SRPK2: variants seen among roughly 807,000 people sequenced by gnomAD.
The protein encoded by SRPK2 is SRSF protein kinase 2, also known as SFRS protein kinase 2.
SRPK2 carries 21 observed loss-of-function variants against 90.8 expected under a neutral mutation model. The observed-to-expected ratio is 0.23, with a 90% CI of 0.16 to 0.33. The LOEUF (loss-of-function observed/expected upper bound fraction) is 0.33. Among genes scored for constraint, SRPK2 ranks in the 10% least tolerant of loss-of-function variants. SRPK2 has a pLI of 1.00. For synonymous variants in SRPK2, 288 were observed against 311.1 expected (o/e 0.93, Z 0.78); for missense variants, 620 against 869.0 (o/e 0.71, Z 3.60).
intron 2 of SRPK2, among the ~76,000 whole-genome samples, chr7:105,250,083 C>A (rs1366540439): frequency 6.6e-6 from 1 of 152,178 alleles, no homozygotes; most frequent in African/African-American, 2.4e-5. Context: ...ATAATCTCAG[C>A]CCTATGGGAG....
At chr7:105,136,968 G>A (rs1435179909) in intron 11 of SRPK2, among the ~76,000 whole-genome samples, 3 of 152,266 alleles carry the variant, frequency 2.0e-5, no homozygotes, top group East Asian at 1.9e-4. Context: ...GCAAATAAAC[G>A]AGGAATCCAC....
intron 2 of SRPK2, among the ~76,000 whole-genome samples, chr7:105,294,249 T>A (rs780424891): frequency 1.3e-5 from 2 of 152,214 alleles, no homozygotes; most frequent in African/African-American, 4.8e-5. Context: ...CACAGCACCC[T>A]CTGCAAATTT....
chr7:105,386,542 C>T (rs1262762759), intron 2 of SRPK2, among the ~76,000 whole-genome samples: 2 of 151,698 alleles, frequency 1.3e-5, no homozygotes, highest in Non-Finnish European at 2.9e-5. Context: ...GGTGAAACCC[C>T]GTCTCTACTA....
intron 2 of SRPK2, among the ~76,000 whole-genome samples, chr7:105,237,707 T>C (rs753493517): frequency 5.3e-5 from 8 of 152,178 alleles, no homozygotes; most frequent in Non-Finnish European, 1.0e-4. Flanking sequence ...AAAGACCGAA[T>C]GGGGATAGGG....
At chr7:105,167,811 G>A (rs537544509) in intron 5 of SRPK2, among the ~76,000 whole-genome samples, 197 bp downstream of exon 5, 10 of 152,034 alleles carry the variant, frequency 6.6e-5, no homozygotes, top group East Asian at 1.9e-4. Flanking sequence ...GGGTTTCACC[G>A]TGTTTGCCAG....
At chr7:105,227,423 T>C (rs1798845791) in intron 2 of SRPK2, among the ~76,000 whole-genome samples, 1 of 152,204 alleles carries the variant, frequency 6.6e-6, no homozygotes, top group East Asian at 1.9e-4. Flanking sequence ...GCAAAGGATC[T>C]GAATAGATGT....
chr7:105,290,558 G>A (rs1409034379), intron 2 of SRPK2, among the ~76,000 whole-genome samples: 1 of 152,050 alleles, frequency 6.6e-6, no homozygotes, highest in Non-Finnish European at 1.5e-5. Context: ...TGAAGTATAG[G>A]TCGGGCCACA....
chr7:105,152,538 C>T (rs1253510212), intron 7 of SRPK2, among the ~76,000 whole-genome samples: 1 of 152,048 alleles, frequency 6.6e-6, no homozygotes, highest in South Asian at 2.1e-4. Context: ...CCAGAATCAA[C>T]CAACATTGAC....
intron 9 of SRPK2, chr7:105,144,107 C>G (rs902780304): frequency 6.6e-6 from 1 of 152,310 alleles, no homozygotes; most frequent in African/African-American, 2.4e-5. Flanking sequence ...GAGACAGAGT[C>G]TCTGTTGCCC....
chr7:105,236,017 C>G (rs1254506744), intron 2 of SRPK2, among the ~76,000 whole-genome samples: 1 of 152,158 alleles, frequency 6.6e-6, no homozygotes, highest in African/African-American at 2.4e-5. Context: ...TGAATAAGAT[C>G]TGTGGTTCTC....
At chr7:105,267,154 A>G (rs1006454616) in intron 2 of SRPK2, among the ~76,000 whole-genome samples, 3 of 152,222 alleles carry the variant, frequency 2.0e-5, no homozygotes, top group African/African-American at 7.2e-5. Flanking sequence ...ACCAGAGTGT[A>G]GGTAAGTAAA....
chr7:105,345,728 A>G (rs556405222), intron 2 of SRPK2, among the ~76,000 whole-genome samples: 344 of 152,360 alleles, frequency 2.3e-3, no homozygotes, highest in South Asian at 3.7e-3. Context: ...TGGTGTCCAA[A>G]ACAGACATGG....
At chr7:105,359,150 CTTTTTTTTTTTTTT>C (rs35765090) in intron 2 of SRPK2, among the ~76,000 whole-genome samples, 1 of 54,832 alleles carries the variant, frequency 1.8e-5, no homozygotes, top group Non-Finnish European at 3.1e-5. Flanking sequence ...CAAACCACAG[CTTTTTTTTTTTTTT>C]TTTTTTTTTT....
intron 7 of SRPK2, among the ~76,000 whole-genome samples, chr7:105,149,188 C>T (rs925117748): frequency 1.8e-4 from 27 of 152,204 alleles, no homozygotes; most frequent in Admixed American, 1.3e-3. Flanking sequence ...CTGAATGTCT[C>T]GGTATAAAAC....
chr7:105,389,709 A>C (rs1408228790), upstream of SRPK2, among the ~76,000 whole-genome samples: 2 of 152,226 alleles, frequency 1.3e-5, no homozygotes, highest in Admixed American at 1.3e-4. Flanking sequence ...ATCGAAATTC[A>C]GGCCTGGCCG....
chr7:105,372,081 G>C (rs1819759943), intron 2 of SRPK2, among the ~76,000 whole-genome samples: 1 of 147,704 alleles, frequency 6.8e-6, no homozygotes, highest in Non-Finnish European at 1.5e-5. Context: ...GCCGCAGTGA[G>C]CCGAGATAGC....
At chr7:105,272,877 A>G (rs2130592578) in intron 2 of SRPK2, among the ~76,000 whole-genome samples, 1 of 152,238 alleles carries the variant, frequency 6.6e-6, no homozygotes, top group Admixed American at 6.5e-5. Flanking sequence ...ACCAAACCTG[A>G]AATGTTTGAG....
chr7:105,169,848 C>T (rs1712342072), intron 3 of SRPK2, among the ~76,000 whole-genome samples: 1 of 152,186 alleles, frequency 6.6e-6, no homozygotes, highest in Non-Finnish European at 1.5e-5. Flanking sequence ...CAGGGTCTCA[C>T]TCTGTTGTCT....
intron 15 of SRPK2, among the ~76,000 whole-genome samples, chr7:105,121,981 C>G (rs1030474581): frequency 1.3e-5 from 2 of 152,172 alleles, no homozygotes; most frequent in Non-Finnish European, 2.9e-5. Context: ...TGATATAAAA[C>G]TGATGAGCAT....
Sources: allele counts gnomAD v4.1 joint callset (sites outside exome capture counted in the v4.1 genomes callset), GRCh38; gene constraint gnomAD v4.1.1; transcripts MANE v1.5; gene names NCBI Gene and HGNC (gene_info 2026-07-23, HGNC 2026-07-21).